The following FGF12 variants were observed in gnomAD, a reference collection of about 807,000 sequenced individuals.
FGF12 encodes the protein fibroblast growth factor 12, also known as fibroblast growth factor 12B.
Under a neutral mutation model 23.6 loss-of-function variants are expected in FGF12, and 14 were observed. The ratio of observed to expected loss-of-function variants is 0.59; its 90% confidence interval spans 0.39 to 0.93. The LOEUF (loss-of-function observed/expected upper bound fraction) is 0.93, where lower values mean the gene tolerates loss of function less well. FGF12 is among the 40% of genes least tolerant of loss of function. FGF12 has a pLI of 0.00. For synonymous variants in FGF12, 62 were observed against 77.3 expected (o/e 0.80, Z 1.04); for missense variants, 175 against 217.8 (o/e 0.80, Z 1.24).
At chr3:192,527,295 T>C (rs1387251146) in intron 2 of FGF12, among the ~76,000 whole-genome samples, 1 of 152,182 alleles carries the variant, frequency 6.6e-6, no homozygotes, top group Non-Finnish European at 1.5e-5. Context: ...TAAATTACAG[T>C]CTGTGATATT....
In FGF12 at chr3:192,602,722, C is replaced by CA. The variant is rs5855439; in HGVS notation, c.13+124458dup. ...CTAATTAAATTAGTGCACAAAGGCCCAAAAAAAAAAAAAACACAGAAAAAT... is the reference window on the plus strand; with the variant it reads ...CTAATTAAATTAGTGCACAAAGGCCCAAAAAAAAAAAAAAACACAGAAAAAT... On this transcript the variant is annotated intron_variant, in intron 2 of 5. Coordinates refer to ENST00000445105, the MANE Select transcript of FGF12 (RefSeq NM_004113.6). 9.1e-3 allele frequency among the ~76,000 whole-genome samples: 1,142 copies of CA among 125,586 alleles called. 1 individual carries two copies. The highest frequency in any genetic ancestry group is 0.011 in the Non-Finnish European group (638 of 58,572). 82.4% of individuals were successfully genotyped at this position (125,586 alleles called of 152,430 possible).
chr3:192,407,994 T>A, intron 2 of FGF12: 1 of 1,579,796 alleles, frequency 6.3e-7, no homozygotes, highest in African/African-American at 1.3e-5. Context: ...GCGTCCCCTC[T>A]GGGGAGCCCA....
At chr3:192,641,115 T>G (rs1268933823) in intron 2 of FGF12, among the ~76,000 whole-genome samples, 2 of 86,000 alleles carry the variant, frequency 2.3e-5, no homozygotes, top group African/African-American at 8.4e-5. Context: ...TTTTTTTTTT[T>G]TTTTTTTTGA....
intron 5 of FGF12, among the ~76,000 whole-genome samples, chr3:192,157,662 T>C (rs1361510513): frequency 1.3e-5 from 2 of 152,194 alleles, no homozygotes. Flanking sequence ...TAACTTCTAT[T>C]TTAGTTATAA....
In FGF12 at chr3:192,408,580, G is replaced by T; in HGVS notation, c.14-48042C>A. 4.6e-6 allele frequency: 5 copies of T among 1,089,220 alleles called. No homozygotes were observed. The highest frequency in any genetic ancestry group is 5.6e-6 in the Non-Finnish European group (5 of 895,780). The allele number at this position is 1,089,220 out of a possible 1,614,324, so 67.5% of individuals were successfully genotyped here. A position where few individuals can be genotyped will look rare whatever the true frequency, so the allele number is the denominator to read the frequency against. On this transcript the variant is annotated intron_variant, in intron 2 of 5. Coordinates refer to ENST00000445105, the MANE Select transcript of FGF12 (RefSeq NM_004113.6). This position sits in a 1 kb window ranked among gnomAD's most constrained non-coding sequence, Gnocchi z 7.3. ...GGGAGTTTAGTCACACTGCGTTCGG[G>T]GTACCAAGTGGAAGGGGAAGAACGA...
chr3:192,722,633 T>G (rs1349180945), intron 2 of FGF12, among the ~76,000 whole-genome samples: 1 of 152,192 alleles, frequency 6.6e-6, no homozygotes, highest in East Asian at 1.9e-4. Flanking sequence ...TTTCCCACAC[T>G]TCTCCCAACT....
At chr3:192,625,773 A>G (rs1715144197) in intron 2 of FGF12, among the ~76,000 whole-genome samples, 1 of 152,186 alleles carries the variant, frequency 6.6e-6, no homozygotes, top group Admixed American at 6.5e-5. Context: ...CACAAAATAC[A>G]TTCAAAAGGA....
intron 2 of FGF12, among the ~76,000 whole-genome samples, chr3:192,399,273 T>A (rs1333262520): frequency 6.6e-6 from 1 of 152,146 alleles, no homozygotes; most frequent in Non-Finnish European, 1.5e-5. Flanking sequence ...TGAATGGGAT[T>A]AGTGGTCTTA....
intron 2 of FGF12, among the ~76,000 whole-genome samples, chr3:192,444,115 A>G (rs1202627181): frequency 2.6e-5 from 4 of 152,328 alleles, no homozygotes; most frequent in African/African-American, 9.6e-5. Flanking sequence ...TGAGGAAGAA[A>G]TAGGAAAATG....
In FGF12 at chr3:192,567,801, CTCTT is replaced by C. The variant is rs1201468224; in HGVS notation, c.13+159376_13+159379del. Among the ~76,000 whole-genome samples, 45 of 103,980 alleles carry C rather than the reference CTCTT, an allele frequency of 4.3e-4. 1 individual carries two copies. Among genetic ancestry groups the C allele is most frequent in the Non-Finnish European group, 2.9e-4 (14 of 47,698 alleles). 68.2% of individuals were successfully genotyped at this position (103,980 alleles called of 152,430 possible). ...TCTTTCTTTCTTTCTTTCTTTCTTTCTCTTTCTTTCTTTCTCTCTCTCTCTCTCT... is the reference window on the plus strand; with the variant it reads ...TCTTTCTTTCTTTCTTTCTTTCTTTCTCTTTCTTTCTCTCTCTCTCTCTCT... On this transcript the variant is annotated intron_variant, in intron 2 of 5. Coordinates refer to ENST00000445105, the MANE Select transcript of FGF12 (RefSeq NM_004113.6).
At chr3:192,257,449 T>C (rs1269031042) in intron 4 of FGF12, among the ~76,000 whole-genome samples, 1 of 152,160 alleles carries the variant, frequency 6.6e-6, no homozygotes, top group African/African-American at 2.4e-5. Context: ...CTTGTAATCG[T>C]GCACATCCCT....
chr3:192,602,626 G>A (rs891310692), intron 2 of FGF12, among the ~76,000 whole-genome samples: 1 of 151,570 alleles, frequency 6.6e-6, no homozygotes, highest in African/African-American at 2.4e-5. Context: ...ATAGATACTT[G>A]TTAAGGAAAA....
At chr3:192,343,760 A>T (rs1717813524) in intron 3 of FGF12, among the ~76,000 whole-genome samples, 1 of 152,124 alleles carries the variant, frequency 6.6e-6, no homozygotes, top group Non-Finnish European at 1.5e-5. Flanking sequence ...GCTTATTAAT[A>T]TTTATATGTT....
intron 2 of FGF12, among the ~76,000 whole-genome samples, chr3:192,588,952 C>G (rs1228017337): frequency 1.3e-5 from 2 of 151,980 alleles, no homozygotes; most frequent in Non-Finnish European, 2.9e-5. Context: ...TAACAGAATA[C>G]TCAAGTGCTG....
chr3:192,573,841 A>C (rs1413918170), intron 2 of FGF12, among the ~76,000 whole-genome samples: 1 of 152,206 alleles, frequency 6.6e-6, no homozygotes, highest in African/African-American at 2.4e-5. Flanking sequence ...AGCAACATTT[A>C]ATTGCCATCT....
chr3:192,672,986 T>C (rs910485268), intron 2 of FGF12: 6 of 151,082 alleles, frequency 4.0e-5, no homozygotes, highest in East Asian at 1.9e-4. Context: ...AAGGTGCAGC[T>C]GTAGTGGTTT....
In FGF12 at chr3:192,514,359, G is replaced by C. The variant is rs1001124957; in HGVS notation, c.14-153821C>G. Among the ~76,000 whole-genome samples, 3 of 152,240 alleles carry C rather than the reference G, an allele frequency of 2.0e-5. No individual in the cohort carries two copies. The highest frequency in any genetic ancestry group is 4.4e-5 in the Non-Finnish European group (3 of 68,048). On this transcript the variant is annotated intron_variant, in intron 2 of 5. Coordinates refer to ENST00000445105, the MANE Select transcript of FGF12 (RefSeq NM_004113.6). This position sits in a 1 kb window ranked among gnomAD's most constrained non-coding sequence, Gnocchi z 4.9. ...CCTCGCAAATCGCAGAGAGGGCCGC[G>C]AGAAGGTGCGAACGCAGGTCACGGC... is the stretch of plus-strand genomic sequence containing the variant.
chr3:192,220,365 A>G (rs1462399465), intron 4 of FGF12, among the ~76,000 whole-genome samples: 2 of 152,142 alleles, frequency 1.3e-5, no homozygotes, highest in East Asian at 3.9e-4. Flanking sequence ...ACTATTGCCT[A>G]AACTTTCCTA....
chr3:192,293,291 A>G (rs1421318495), intron 4 of FGF12, among the ~76,000 whole-genome samples: 4 of 152,236 alleles, frequency 2.6e-5, no homozygotes, highest in Non-Finnish European at 5.9e-5. Flanking sequence ...CTCTTGGGAA[A>G]TAAAAGAAAA....
Sources: allele counts gnomAD v4.1 joint callset (sites outside exome capture counted in the v4.1 genomes callset), GRCh38; gene constraint gnomAD v4.1.1; non-coding constraint Gnocchi (gnomAD v3.1); transcripts MANE v1.5; gene names NCBI Gene and HGNC (gene_info 2026-07-23, HGNC 2026-07-21).